GPC5: variants seen among roughly 807,000 people sequenced by gnomAD.
GPC5 encodes glypican-5.
In GPC5, 47 loss-of-function variants were observed where a neutral mutation model predicts 53.9. The ratio of observed to expected loss-of-function variants is 0.87; its 90% CI spans 0.69 to 1.11. The LOEUF (loss-of-function observed/expected upper bound fraction) is 1.11, where lower values mean the gene tolerates loss of function less well. Ranked by LOEUF, GPC5 falls within the 50% of genes most tolerant of loss-of-function variation. The pLI is 0.00. For synonymous variants in GPC5, 286 were observed against 263.3 expected (o/e 1.09, Z -0.84); for missense variants, 748 against 713.1 (o/e 1.05, Z -0.56).
chr13:92,144,966 A>G lies in GPC5; in HGVS notation c.1538A>G (p.Lys513Arg), dbSNP rs1368228165. 1 of 1,548,586 alleles carries G rather than the reference A, an allele frequency of 6.5e-7. No individual in the cohort carries two copies. Among genetic ancestry groups the G allele is most frequent in the South Asian group, 1.2e-5 (1 of 80,260 alleles). The change falls in exon 7 of 8, where the codon AAG (lysine) becomes AGG (arginine). Residue 513 changes from lysine to arginine, a missense_variant. Coordinates refer to ENST00000377067, the MANE Select transcript of GPC5 (RefSeq NM_004466.6). ...GCGGSGSGEV[K>R]RTLKITDWMP... ...GGGGGATCAGGAAGTGGAGAAGTCAAGAGGACACTGAAGATCACAGACTGT... is the reference window on the plus strand; with the variant it reads ...GGGGGATCAGGAAGTGGAGAAGTCAGGAGGACACTGAAGATCACAGACTGT...
At chr13:91,884,548 G>C (rs1375200295) in intron 5 of GPC5, among the ~76,000 whole-genome samples, 1 of 152,172 alleles carries the variant, frequency 6.6e-6, no homozygotes, top group East Asian at 1.9e-4. Context: ...TCAAAGATGA[G>C]AATACATGAA....
chr13:92,013,970 A>T lies in GPC5; in HGVS notation c.1401+105913A>T, dbSNP rs1382311413. ...CATCAATTTAAGTAAGAGATCATAG[A>T]TATAGTGAAATCATGTTTCTGTAAT... On this transcript the variant is annotated intron_variant, in intron 6 of 7. Transcript: ENST00000377067. Among the ~76,000 whole-genome samples the T allele has an allele frequency of 3.3e-5, 5 of 152,292 alleles. No individual in the cohort carries two copies. In the South Asian group the frequency reaches 1.0e-3, roughly 32 times the overall value.
rs183062441 is a variant in GPC5 at position 91,973,214 on chromosome 13, A to G, written c.1401+65157A>G. On this transcript the variant is annotated intron_variant, in intron 6 of 7. Coordinates refer to ENST00000377067, the MANE Select transcript of GPC5 (RefSeq NM_004466.6). ...CTTCCCTTCTTGCTTCATTTCATTC[A>G]TTTCGTCTTCCATCACTGATACCCT... 7.2e-5 allele frequency among the ~76,000 whole-genome samples: 11 copies of G among 151,794 alleles called. No homozygotes were observed. The East Asian group carries it at 1.9e-3, about 27-fold the overall frequency.
intron 2 of GPC5, among the ~76,000 whole-genome samples, chr13:91,495,391 T>C (rs1411695652): frequency 2.0e-5 from 3 of 152,156 alleles, no homozygotes; most frequent in African/African-American, 7.2e-5. Context: ...TGTCACTCCT[T>C]TTCTCAAAGC....
chr13:91,421,042 G>T (rs958568503), intron 1 of GPC5, among the ~76,000 whole-genome samples: 2 of 152,106 alleles, frequency 1.3e-5, no homozygotes, highest in South Asian at 2.1e-4. Flanking sequence ...TTGCTATCTT[G>T]GAAATCAACT....
intron 7 of GPC5, among the ~76,000 whole-genome samples, chr13:92,802,884 G>C (rs1594517796): frequency 6.6e-6 from 1 of 151,992 alleles, no homozygotes; most frequent in East Asian, 1.9e-4. Context: ...ACATTGCAAA[G>C]TTTCACAGAA....
intron 7 of GPC5, among the ~76,000 whole-genome samples, chr13:92,327,611 T>C (rs2043261181): frequency 6.6e-6 from 1 of 152,094 alleles, no homozygotes. Flanking sequence ...GAACCAGTAA[T>C]GAGGGCTGGT....
chr13:91,740,759 G>C (rs559386181), intron 4 of GPC5, among the ~76,000 whole-genome samples: 32 of 152,246 alleles, frequency 2.1e-4, no homozygotes, highest in Admixed American at 1.9e-3. Context: ...AGGACATTGC[G>C]CTCATATAGT....
At chr13:91,876,642 G>A (rs1327490058) in intron 5 of GPC5, among the ~76,000 whole-genome samples, 1 of 152,202 alleles carries the variant, frequency 6.6e-6, no homozygotes, top group African/African-American at 2.4e-5. Flanking sequence ...AAGGCATTCA[G>A]TTTTGTAAGG....
intron 3 of GPC5, among the ~76,000 whole-genome samples, chr13:91,714,627 AG>A (rs369782059): frequency 2.2e-4 from 33 of 152,334 alleles, no homozygotes; most frequent in African/African-American, 7.7e-4. Context: ...TGGAGAAAAC[AG>A]AAAAGAATGT....
At chr13:91,963,724 G>T (rs961613108) in intron 6 of GPC5, among the ~76,000 whole-genome samples, 1 of 152,056 alleles carries the variant, frequency 6.6e-6, no homozygotes, top group Non-Finnish European at 1.5e-5. Context: ...GGCAGTGGGG[G>T]TATAAGAATA....
intron 7 of GPC5, among the ~76,000 whole-genome samples, chr13:92,389,079 T>C (rs2139321235): frequency 6.6e-6 from 1 of 152,206 alleles, no homozygotes; most frequent in Non-Finnish European, 1.5e-5. Flanking sequence ...ATACACATAG[T>C]CGGCAAATAA....
intron 7 of GPC5, among the ~76,000 whole-genome samples, chr13:92,412,509 A>G (rs569546390): frequency 7.2e-5 from 11 of 152,314 alleles, no homozygotes; most frequent in Middle Eastern, 3.4e-3. Flanking sequence ...TTTATTTAAC[A>G]TTCTTAAACC....
At chr13:91,923,725 T>C (rs1324644095) in intron 6 of GPC5, among the ~76,000 whole-genome samples, 4 of 152,172 alleles carry the variant, frequency 2.6e-5, no homozygotes, top group Non-Finnish European at 5.9e-5. Flanking sequence ...AATTACTAGT[T>C]CTGAAAAAGA....
intron 7 of GPC5, among the ~76,000 whole-genome samples, chr13:92,612,165 C>A (rs1884459521): frequency 6.6e-6 from 1 of 152,068 alleles, no homozygotes; most frequent in Non-Finnish European, 1.5e-5. Context: ...AAGGGCATCC[C>A]TATTCATGGC....
At chr13:92,237,878 C>A (rs530514147) in intron 7 of GPC5, among the ~76,000 whole-genome samples, 1 of 152,192 alleles carries the variant, frequency 6.6e-6, no homozygotes, top group East Asian at 1.9e-4. Context: ...CTTAATAGAT[C>A]TGCCTATTCT....
chr13:91,584,872 C>T (rs2032503879), intron 2 of GPC5, among the ~76,000 whole-genome samples: 1 of 152,088 alleles, frequency 6.6e-6, no homozygotes, highest in Admixed American at 6.5e-5. Context: ...AGCCACTGTG[C>T]CAGGCCCAAA....
At chr13:91,647,851 A>C (rs909088484) in intron 2 of GPC5, among the ~76,000 whole-genome samples, 4 of 152,144 alleles carry the variant, frequency 2.6e-5, no homozygotes, top group African/African-American at 9.7e-5. Flanking sequence ...CCATCTTGGC[A>C]TCTGTTTCCT....
intron 5 of GPC5, among the ~76,000 whole-genome samples, chr13:91,876,479 T>C (rs1312904433): frequency 6.6e-6 from 1 of 152,144 alleles, no homozygotes; most frequent in East Asian, 1.9e-4. Context: ...GGAACAAAGG[T>C]GACTCTTGTT....
Sources: gnomAD v4.1 joint callset for allele counts (sites outside exome capture counted in the v4.1 genomes callset) on GRCh38, gnomAD v4.1.1 for gene constraint, MANE v1.5 for transcripts, NCBI Gene and HGNC (gene_info 2026-07-23, HGNC 2026-07-21) for gene names.